The following SCFD2 variants were observed in gnomAD, a reference collection of about 807,000 sequenced individuals.
The protein encoded by SCFD2 is sec1 family domain-containing protein 2.
In SCFD2, 54 loss-of-function variants were observed where a neutral mutation model predicts 58.9. The ratio of observed to expected loss-of-function variants is 0.92; its 90% CI spans 0.74 to 1.15. The LOEUF (loss-of-function observed/expected upper bound fraction) is 1.15, where lower values mean the gene tolerates loss of function less well. Ranked by LOEUF, SCFD2 falls within the 50% of genes most tolerant of loss-of-function variation. The pLI is 0.00. For missense variants in SCFD2, 805 were observed against 836.6 expected (o/e 0.96, Z 0.47); for synonymous variants, 321 against 335.9 (o/e 0.96, Z 0.49).
At chr4:53,196,382 G>T (rs142360529) in intron 4 of SCFD2, among the ~76,000 whole-genome samples, 21 of 152,078 alleles carry the variant, frequency 1.4e-4, no homozygotes, top group Non-Finnish European at 2.2e-4. Flanking sequence ...TTCGATAAAG[G>T]TTTCCTTCCT....
chr4:53,330,441 C>A (rs1448339555), intron 2 of SCFD2, among the ~76,000 whole-genome samples: 4 of 152,212 alleles, frequency 2.6e-5, no homozygotes, highest in East Asian at 1.9e-4. Context: ...GGGCAATATT[C>A]AACATTCTTA....
At chr4:53,342,902 G>T (rs1206594379) in intron 2 of SCFD2, among the ~76,000 whole-genome samples, 3 of 152,176 alleles carry the variant, frequency 2.0e-5, no homozygotes, top group African/African-American at 7.2e-5. Flanking sequence ...GATGTTCTTT[G>T]AAACCAATGA....
chr4:53,175,918 A>G (rs1385020986), intron 4 of SCFD2, among the ~76,000 whole-genome samples: 4 of 152,204 alleles, frequency 2.6e-5, no homozygotes, highest in African/African-American at 9.6e-5. Context: ...TTAATTATTC[A>G]TTAAGGCTCT....
intron 4 of SCFD2, among the ~76,000 whole-genome samples, chr4:53,207,515 T>TTA (rs1432686651): frequency 8.2e-5 from 1 of 12,246 alleles, no homozygotes; most frequent in Non-Finnish European, 1.4e-4. Flanking sequence ...ATTATATATA[T>TTA]TATATATATA....
chr4:53,340,769 A>G (rs1046192428), intron 2 of SCFD2, among the ~76,000 whole-genome samples: 1 of 152,204 alleles, frequency 6.6e-6, no homozygotes, highest in Non-Finnish European at 1.5e-5. Context: ...AAGCTTCCAG[A>G]GGAAAGATCA....
In SCFD2 at chr4:53,313,368, A is replaced by T. The variant is rs558618876; in HGVS notation, c.1135+268T>A. On this transcript the variant is annotated intron_variant, in intron 3 of 8. Coordinates refer to ENST00000401642, the MANE Select transcript of SCFD2 (RefSeq NM_152540.4). ...AGAGGTAGTCCAGACCAATTTTGAC[A>T]GTTCTAAAATAGATCAATAAGAAAC... 3.3e-5 allele frequency among the ~76,000 whole-genome samples: 5 copies of T among 152,344 alleles called. No homozygotes were observed. In the South Asian group the frequency reaches 1.0e-3, roughly 32 times the overall value.
At chr4:52,880,738 T>A (rs1208657321) in intron 8 of SCFD2, among the ~76,000 whole-genome samples, 1 of 151,672 alleles carries the variant, frequency 6.6e-6, no homozygotes, top group Non-Finnish European at 1.5e-5. Context: ...TGGATGGGGG[T>A]CAACTTTCCC....
intron 5 of SCFD2, among the ~76,000 whole-genome samples, chr4:52,965,245 G>A (rs301089): frequency 0.14 from 21,385 of 151,850 alleles, 1,639 homozygotes; most frequent in East Asian, 0.28. Flanking sequence ...AAGCCCCCCC[G>A]CAAAAAATGA....
chr4:53,040,518 C>T (rs1722871903), intron 5 of SCFD2, among the ~76,000 whole-genome samples: 2 of 152,204 alleles, frequency 1.3e-5, no homozygotes, highest in South Asian at 4.1e-4. Flanking sequence ...ATTCCATATG[C>T]TTCTCATGGA....
chr4:53,341,225 T>C (rs1317601599), intron 2 of SCFD2, among the ~76,000 whole-genome samples: 1 of 152,116 alleles, frequency 6.6e-6, no homozygotes, highest in African/African-American at 2.4e-5. Context: ...ATTAGACAAA[T>C]GGCTAACTAG....
rs184015103 is a variant in SCFD2, at chr4:53,219,224, T to A, written c.1311+54602A>T. Reference sequence around the variant, plus strand: ...TGCTGCCTTTTGTTCAGCTATGCCCTGCCCCAAGAGGTGGAGTCTACAGAG... The same window carrying A: ...TGCTGCCTTTTGTTCAGCTATGCCCAGCCCCAAGAGGTGGAGTCTACAGAG... On this transcript the variant is annotated intron_variant, in intron 4 of 8. Coordinates refer to ENST00000401642, the MANE Select transcript of SCFD2 (RefSeq NM_152540.4). Among the ~76,000 whole-genome samples, 439 of 152,340 alleles carry A rather than the reference T, an allele frequency of 2.9e-3. 1 individual carries two copies. The highest frequency in any genetic ancestry group is 0.01 in the African/African-American group (417 of 41,580).
chr4:53,234,786 G>A (rs1462764230), intron 4 of SCFD2, among the ~76,000 whole-genome samples: 1 of 152,068 alleles, frequency 6.6e-6, no homozygotes, highest in Non-Finnish European at 1.5e-5. Flanking sequence ...CTCACAGCAC[G>A]AACTCCTGTG....
intron 3 of SCFD2, among the ~76,000 whole-genome samples, chr4:53,309,939 T>C (rs1732637265): frequency 6.6e-6 from 1 of 152,168 alleles, no homozygotes; most frequent in Non-Finnish European, 1.5e-5. Flanking sequence ...CCCTATTTTA[T>C]GGACAAAGAA....
chr4:53,114,750 G>A (rs1342228998), intron 5 of SCFD2, among the ~76,000 whole-genome samples: 4 of 152,042 alleles, frequency 2.6e-5, no homozygotes, highest in African/African-American at 7.2e-5. Context: ...AGAAATAAAG[G>A]AAGAAAAACA....
At chr4:52,971,293 T>C (rs1217587361) in intron 5 of SCFD2, among the ~76,000 whole-genome samples, 3 of 152,086 alleles carry the variant, frequency 2.0e-5, no homozygotes, top group Non-Finnish European at 4.4e-5. Context: ...AATGGCTAAC[T>C]AGAATAACCA....
intron 7 of SCFD2, among the ~76,000 whole-genome samples, chr4:52,900,722 G>T (rs1719168025): frequency 6.6e-6 from 1 of 152,334 alleles, no homozygotes; most frequent in Middle Eastern, 3.4e-3. Flanking sequence ...TTGTTTGTCT[G>T]TGCCCTGCCC....
chr4:53,231,947 T>C lies in SCFD2; in HGVS notation c.1311+41879A>G, dbSNP rs150447491. 1.6e-4 allele frequency among the ~76,000 whole-genome samples: 24 copies of C among 152,232 alleles called. No individual in the cohort carries two copies. The East Asian group carries it at 4.2e-3, about 27-fold the overall frequency. On this transcript the variant is annotated intron_variant, in intron 4 of 8. Coordinates refer to ENST00000401642, the MANE Select transcript of SCFD2 (RefSeq NM_152540.4). ...GTACTCTACATGTACAGATTTTATG[T>C]CTTTGTACTTTATAATGTTTTTTCT...
At chr4:53,359,653 A>T (rs1734496977) in intron 1 of SCFD2, among the ~76,000 whole-genome samples, 1 of 152,202 alleles carries the variant, frequency 6.6e-6, no homozygotes, top group Non-Finnish European at 1.5e-5. Flanking sequence ...ACAATGCCTC[A>T]ATCTAAGCCA....
chr4:52,973,581 A>G (rs1721169111), intron 5 of SCFD2, among the ~76,000 whole-genome samples: 1 of 152,250 alleles, frequency 6.6e-6, no homozygotes, highest in African/African-American at 2.4e-5. Flanking sequence ...GTTGAATTCT[A>G]CCAGAGGTAC....
Sources: allele counts gnomAD v4.1 joint callset (sites outside exome capture counted in the v4.1 genomes callset), GRCh38; gene constraint gnomAD v4.1.1; transcripts MANE v1.5; gene names NCBI Gene and HGNC (gene_info 2026-07-23, HGNC 2026-07-21).